PTPRD: variants seen among roughly 807,000 people sequenced by gnomAD.
PTPRD encodes the protein receptor-type tyrosine-protein phosphatase delta.
A neutral mutation model predicts 214.5 loss-of-function variants in PTPRD; 34 were observed. The ratio of observed to expected loss-of-function variants is 0.16; its 90% CI spans 0.12 to 0.21. PTPRD has a LOEUF of 0.21. Among genes scored for constraint, PTPRD ranks in the 10% least tolerant of loss-of-function variants. PTPRD has a pLI of 1.00. For synonymous variants in PTPRD, 1,128 were observed against 845.7 expected, an observed-to-expected ratio of 1.33 and a Z score of -5.79; for missense variants, 2,545 against 2,398.7, an observed-to-expected ratio of 1.06 and a Z score of -1.27.
intron 4 of PTPRD, among the ~76,000 whole-genome samples, chr9:9,972,928 C>T (rs763995499): frequency 2.8e-4 from 43 of 152,122 alleles, no homozygotes; most frequent in Non-Finnish European, 1.9e-4. Flanking sequence ...TGCAGAGCCC[C>T]TTTTGCCTTT....
chr9:10,196,343 T>A (rs986464962), intron 3 of PTPRD, among the ~76,000 whole-genome samples: 6 of 152,146 alleles, frequency 3.9e-5, no homozygotes, highest in African/African-American at 1.4e-4. Flanking sequence ...ACTTGAATAA[T>A]AAATTTGTCA....
intron 2 of PTPRD, among the ~76,000 whole-genome samples, chr9:10,421,682 C>A (rs970775788): frequency 1.3e-5 from 2 of 151,972 alleles, no homozygotes; most frequent in African/African-American, 2.4e-5. Flanking sequence ...CATTTGGTTT[C>A]TAAATGTACA....
At chr9:9,512,863 T>A (rs1461530813) in intron 8 of PTPRD, among the ~76,000 whole-genome samples, 1 of 95,604 alleles carries the variant, frequency 1.0e-5, no homozygotes, top group East Asian at 4.4e-4. Flanking sequence ...TTGCCTTCTA[T>A]GGTGATGAAA....
At chr9:8,767,892 G>A (rs1347684670) in intron 11 of PTPRD, among the ~76,000 whole-genome samples, 17 of 152,122 alleles carry the variant, frequency 1.1e-4, no homozygotes, top group Admixed American at 9.8e-4. Context: ...CTGTGTATGG[G>A]AAAGATGAAA....
chr9:9,451,908 T>C (rs2092272222), intron 8 of PTPRD, among the ~76,000 whole-genome samples: 1 of 151,246 alleles, frequency 6.6e-6, no homozygotes, highest in African/African-American at 2.4e-5. Flanking sequence ...AGATGAATAG[T>C]TTGAAATAAA....
intron 36 of PTPRD, among the ~76,000 whole-genome samples, chr9:8,392,275 G>A (rs10977032): frequency 0.14 from 21,818 of 151,782 alleles, 1,969 homozygotes; most frequent in African/African-American, 0.26. Context: ...CTGTAATTCC[G>A]ACACTTTGGG....
intron 12 of PTPRD, among the ~76,000 whole-genome samples, chr9:8,640,561 C>CAA (rs201282830): frequency 2.7e-4 from 29 of 105,458 alleles, no homozygotes; most frequent in East Asian, 5.4e-4. Flanking sequence ...AACAAAAAAA[C>CAA]AAAAAAAAAA....
intron 11 of PTPRD, among the ~76,000 whole-genome samples, chr9:8,896,913 T>C (rs1052987391): frequency 1.3e-5 from 2 of 152,168 alleles, no homozygotes; most frequent in Non-Finnish European, 2.9e-5. Context: ...TACAGTTGCT[T>C]TGAGATCAAG....
intron 11 of PTPRD, among the ~76,000 whole-genome samples, chr9:8,777,796 C>G (rs1466739109): frequency 6.6e-6 from 1 of 152,132 alleles, no homozygotes; most frequent in East Asian, 1.9e-4. Context: ...AGATATGATC[C>G]TATGGGACCT....
intron 3 of PTPRD, among the ~76,000 whole-genome samples, chr9:10,060,857 CTT>C (rs1567405513): frequency 1.2e-4 from 13 of 106,392 alleles, no homozygotes; most frequent in African/African-American, 8.7e-4. Flanking sequence ...TCCTTTCTTT[CTT>C]CCTTCCTTCT....
At chr9:9,740,027 T>C (rs989407553) in intron 6 of PTPRD, among the ~76,000 whole-genome samples, 5 of 152,322 alleles carry the variant, frequency 3.3e-5, no homozygotes, top group African/African-American at 9.6e-5. Context: ...ACTTACTCTA[T>C]GTAATCTCAA....
intron 10 of PTPRD, among the ~76,000 whole-genome samples, chr9:9,071,220 C>A (rs1028684532): frequency 2.0e-5 from 3 of 152,146 alleles, no homozygotes; most frequent in African/African-American, 4.8e-5. Context: ...CTACCCTGAA[C>A]TTTTATATTC....
chr9:10,351,924 G>A (rs1597821259), intron 2 of PTPRD, among the ~76,000 whole-genome samples: 1 of 152,056 alleles, frequency 6.6e-6, no homozygotes, highest in Non-Finnish European at 1.5e-5. Context: ...TTAGGAAAAT[G>A]TGCCCTAAAA....
At chr9:9,108,188 C>T (rs1042518912) in intron 10 of PTPRD, among the ~76,000 whole-genome samples, 5 of 152,026 alleles carry the variant, frequency 3.3e-5, no homozygotes, top group African/African-American at 4.8e-5. Context: ...ATATTATTTA[C>T]GTTTGTCTGT....
At chr9:9,194,568 G>C (rs2099937143) in intron 9 of PTPRD, among the ~76,000 whole-genome samples, 1 of 152,088 alleles carries the variant, frequency 6.6e-6, no homozygotes, top group Non-Finnish European at 1.5e-5. Flanking sequence ...CATGTACTTG[G>C]TCTGTTGTTG....
intron 5 of PTPRD, among the ~76,000 whole-genome samples, chr9:9,794,662 A>G (rs2098990748): frequency 6.6e-6 from 1 of 152,206 alleles, no homozygotes; most frequent in South Asian, 2.1e-4. Flanking sequence ...TGATCTTCAA[A>G]AGAGCCCTGA....
intron 2 of PTPRD, among the ~76,000 whole-genome samples, chr9:10,474,512 G>T (rs1331181416): frequency 6.6e-6 from 1 of 152,122 alleles, no homozygotes; most frequent in African/African-American, 2.4e-5. Flanking sequence ...GACCTACAAA[G>T]AGACTTGGAC....
chr9:8,578,196 T>A (rs974613639), intron 14 of PTPRD, among the ~76,000 whole-genome samples: 1 of 152,204 alleles, frequency 6.6e-6, no homozygotes, highest in Non-Finnish European at 1.5e-5. Context: ...CCAATAGTTT[T>A]CTTATGATAA....
intron 11 of PTPRD, among the ~76,000 whole-genome samples, chr9:9,001,891 T>C (rs932387384): frequency 1.3e-5 from 2 of 151,832 alleles, no homozygotes; most frequent in Admixed American, 6.6e-5. Flanking sequence ...TCTTTCAGAA[T>C]TGTTCTCATG....
Sources: allele counts gnomAD v4.1 joint callset (sites outside exome capture counted in the v4.1 genomes callset), GRCh38; gene constraint gnomAD v4.1.1; transcripts MANE v1.5; gene names NCBI Gene and HGNC (gene_info 2026-07-23, HGNC 2026-07-21).